The following HDAC2 variants were observed in gnomAD, a reference collection of about 807,000 sequenced individuals.
HDAC2 encodes the protein YY1-associated factor 1.
A neutral mutation model predicts 68.5 loss-of-function variants in HDAC2; 5 were observed. That is an observed-to-expected ratio of 0.07 (90% CI 0.04 to 0.15). The LOEUF is 0.15. Ranked by LOEUF, HDAC2 falls within the 10% of genes least tolerant of loss-of-function variation. The pLI is 1.00. For missense variants in HDAC2, 291 were observed against 600.8 expected, an observed-to-expected ratio of 0.48 and a Z score of 5.39; for synonymous variants, 182 against 191.3, an observed-to-expected ratio of 0.95 and a Z score of 0.40.
intron 3 of HDAC2, among the ~76,000 whole-genome samples, chr6:113,958,149 T>A (rs1776600321): frequency 6.6e-6 from 1 of 152,234 alleles, no homozygotes; most frequent in African/African-American, 2.4e-5. Flanking sequence ...CAAGCCAATT[T>A]GTTACTAATC....
chr6:113,947,050 T>G (rs1447215859), intron 8 of HDAC2: 1 of 152,172 alleles, frequency 6.6e-6, no homozygotes, highest in African/African-American at 2.4e-5. Flanking sequence ...TTAAGCATTC[T>G]TCAATAGTTG....
At chr6:113,970,428 C>T (rs1582504287) in intron 1 of HDAC2, 1 of 1,021,254 alleles carries the variant, frequency 9.8e-7, no homozygotes, top group Non-Finnish European at 1.2e-6. Flanking sequence ...GAAATTTTGC[C>T]TCGCGGGGGA....
intron 2 of HDAC2, among the ~76,000 whole-genome samples, chr6:113,958,999 T>G (rs1227282679): frequency 6.6e-6 from 1 of 152,152 alleles, no homozygotes; most frequent in Non-Finnish European, 1.5e-5. Context: ...CAACTATGAT[T>G]TAATCACTCC....
chr6:113,941,156 T>C lies in HDAC2; in HGVS notation c.1437-68A>G, dbSNP rs534855183. ...TTGGTTTAAATGCACTGACCTATTA[T>C]ATTGATCAGGTCCTGTAGGCTCATG... On this transcript the variant is annotated intron_variant, in intron 13 of 13. Transcript: ENST00000519065. 3 of 1,161,694 alleles carry C rather than the reference T, an allele frequency of 2.6e-6. No individual in the cohort carries two copies. The Admixed American group carries it at 5.7e-5, about 22-fold the overall frequency. The allele number at this position is 1,161,694 out of a possible 1,614,324, so 72.0% of individuals were successfully genotyped here.
At chr6:113,958,427 T>A in intron 3 of HDAC2, 1 of 390,444 alleles carries the variant, frequency 2.6e-6, no homozygotes, top group Non-Finnish European at 4.6e-6. Flanking sequence ...AAACTAGGAG[T>A]AGAAGAATAC....
chr6:113,934,991 A>G lies in HDAC2; in HGVS notation c.*6067T>C, dbSNP rs1441014969. ...CTTATCAGATGCTGAGTTGAAAAGAACATACCTAGATTCTACGGAAATTAG... is the reference window on the plus strand; with the variant it reads ...CTTATCAGATGCTGAGTTGAAAAGAGCATACCTAGATTCTACGGAAATTAG... On this transcript the variant is annotated 3_prime_UTR_variant, in exon 14 of 14. Transcript: ENST00000519065. 6.6e-6 allele frequency: 1 copy of G among 152,214 alleles called. No homozygotes were observed. Among genetic ancestry groups the G allele is most frequent in the Non-Finnish European group, 1.5e-5 (1 of 68,036 alleles). The allele number at this position is 152,214 out of a possible 1,614,324, so 9.4% of individuals were successfully genotyped here.
intron 2 of HDAC2, 60 bp downstream of exon 2, chr6:113,959,846 C>A (rs534396098): frequency 1.5e-5 from 11 of 746,680 alleles, no homozygotes; most frequent in African/African-American, 1.4e-4. Flanking sequence ...CAAAGTTTCA[C>A]AGTAGCTAAA....
At chr6:113,952,311 C>T (rs1428312757) in intron 6 of HDAC2, among the ~76,000 whole-genome samples, 1 of 152,170 alleles carries the variant, frequency 6.6e-6, no homozygotes, top group African/African-American at 2.4e-5. Flanking sequence ...ATAATTTAAA[C>T]TCAAACCAAA....
chr6:113,942,259 T>C (rs1776152852), intron 12 of HDAC2, among the ~76,000 whole-genome samples: 2 of 152,048 alleles, frequency 1.3e-5, no homozygotes, highest in African/African-American at 4.8e-5. Flanking sequence ...AATTCAGTCA[T>C]GGCTTGAATT....
chr6:113,962,369 AT>A (rs1776704941), intron 1 of HDAC2: 2 of 913,674 alleles, frequency 2.2e-6, no homozygotes, highest in African/African-American at 1.8e-5. Context: ...ACACTTACAG[AT>A]TCACTAGAAA....
chr6:113,952,526 A>C (rs1163186668), intron 6 of HDAC2, among the ~76,000 whole-genome samples: 1 of 152,232 alleles, frequency 6.6e-6, no homozygotes, highest in Non-Finnish European at 1.5e-5. Flanking sequence ...TTAATAAAAT[A>C]GTTTAAAACT....
intron 1 of HDAC2, 47 bp from the exon 2 acceptor site, chr6:113,960,065 C>G (rs780614408): frequency 9.9e-6 from 9 of 907,298 alleles, no homozygotes; most frequent in African/African-American, 1.6e-5. Context: ...AAGAGACCCT[C>G]CATGAACTAT....
At chr6:113,960,283 C>T (rs893232166) in intron 1 of HDAC2, among the ~76,000 whole-genome samples, 7 of 151,986 alleles carry the variant, frequency 4.6e-5, no homozygotes, top group Non-Finnish European at 7.4e-5. Flanking sequence ...TTTTTAGCTA[C>T]CCCCAATTTT....
At chr6:113,955,414 T>C (rs2114607286) in intron 5 of HDAC2, among the ~76,000 whole-genome samples, 1 of 152,246 alleles carries the variant, frequency 6.6e-6, no homozygotes, top group South Asian at 2.1e-4. Context: ...GGTTTCACCA[T>C]GTTGGTCAGG....
Position 113,936,622 on chromosome 6 carries a change from C to G in HDAC2, c.*4436G>C, listed in dbSNP as rs141159057. 1 of 152,400 alleles carries G rather than the reference C, an allele frequency of 6.6e-6. No individual in the cohort carries two copies. Among genetic ancestry groups the G allele is most frequent in the Non-Finnish European group, 1.5e-5 (1 of 68,108 alleles). 9.4% of individuals were successfully genotyped at this position (152,400 alleles called of 1,614,324 possible). A position where few individuals can be genotyped will look rare whatever the true frequency, so the allele number is the denominator to read the frequency against. Reference sequence around the variant, plus strand: ...AATAAAAGGCTCAGATACAACCCATCTGGCATCTAAAGGAACACTCAAAAA... The same window carrying G: ...AATAAAAGGCTCAGATACAACCCATGTGGCATCTAAAGGAACACTCAAAAA... On this transcript the variant is annotated 3_prime_UTR_variant, in exon 14 of 14. Coordinates refer to ENST00000519065, the MANE Select transcript of HDAC2 (RefSeq NM_001527.4).
intron 9 of HDAC2, 132 bp from the exon 10 acceptor site, chr6:113,945,602 C>T (rs1776248234): frequency 3.0e-6 from 2 of 667,394 alleles, no homozygotes; most frequent in Admixed American, 2.7e-5. Context: ...AGTGAATGTT[C>T]TCCTATTTAT....
At position 113,953,426 on chromosome 6, in the gene HDAC2, C is replaced by G; in HGVS notation, c.498-8G>C. 1 of 1,540,042 alleles carries G rather than the reference C, an allele frequency of 6.5e-7. No homozygotes were observed. The highest frequency in any genetic ancestry group is 2.3e-5 in the East Asian group (1 of 43,814). ...AAGACTCTCTGATGATACCTGAAAA[C>G]AAATCCATAAGTTTTGGTTTTTCCT... On this transcript the variant is annotated splice_region_variant and splice_polypyrimidine_tract_variant and intron_variant, in intron 5 of 13. Transcript: ENST00000519065.
chr6:113,955,448 T>C (rs1362848706), intron 5 of HDAC2, among the ~76,000 whole-genome samples: 1 of 152,130 alleles, frequency 6.6e-6, no homozygotes, highest in Non-Finnish European at 1.5e-5. Flanking sequence ...CCTGACCTCA[T>C]AATCCACCCA....
At chr6:113,970,743 A>C in intron 1 of HDAC2, 114 bp downstream of exon 1, 1 of 1,418,870 alleles carries the variant, frequency 7.0e-7, no homozygotes, top group Non-Finnish European at 9.1e-7. Context: ...ATGCGGCCAA[A>C]TGTCGGTCCC....
Sources: allele counts gnomAD v4.1 joint callset (sites outside exome capture counted in the v4.1 genomes callset), GRCh38; gene constraint gnomAD v4.1.1; transcripts MANE v1.5; gene names NCBI Gene and HGNC (gene_info 2026-07-23, HGNC 2026-07-21).